Variants in SPEF2 observed in about 807,000 individuals in gnomAD.
SPEF2 encodes sperm flagella and cilia-associated protein 2.
SPEF2 carries 187 observed loss-of-function variants against 224.6 expected under a neutral mutation model. The ratio of observed to expected loss-of-function variants is 0.83; its 90% confidence interval spans 0.74 to 0.94. The LOEUF (loss-of-function observed/expected upper bound fraction) is 0.94, where lower values mean the gene tolerates loss of function less well. SPEF2 is among the 40% of genes least tolerant of loss of function. SPEF2 has a pLI of 0.00. For synonymous variants in SPEF2, 715 were observed against 707.3 expected, an observed-to-expected ratio of 1.01 and a Z score of -0.17; for missense variants, 2,170 against 2,135.6, an observed-to-expected ratio of 1.02 and a Z score of -0.32.
intron 28 of SPEF2, among the ~76,000 whole-genome samples, chr5:35,775,496 G>A (rs1447286627): frequency 2.6e-5 from 4 of 152,080 alleles, no homozygotes; most frequent in African/African-American, 4.8e-5. Context: ...GGGAAGGAGC[G>A]ACTTGGGAGA....
intron 20 of SPEF2, among the ~76,000 whole-genome samples, chr5:35,723,499 T>G (rs1177529568): frequency 6.6e-6 from 1 of 152,228 alleles, no homozygotes; most frequent in Non-Finnish European, 1.5e-5. Context: ...CAAGGCTGAC[T>G]GCTCTATTGT....
At chr5:35,710,120 C>T (rs961118555) in intron 19 of SPEF2, 28 of 985,274 alleles carry the variant, frequency 2.8e-5, no homozygotes, top group Non-Finnish European at 3.1e-5. Context: ...ATACACACAT[C>T]CTAAAAAATG....
At chr5:35,643,272 A>G (rs1746860452) in intron 3 of SPEF2, among the ~76,000 whole-genome samples, 1 of 152,192 alleles carries the variant, frequency 6.6e-6, no homozygotes, top group African/African-American at 2.4e-5. Flanking sequence ...CTTTTTGTCA[A>G]GCACTTGCAC....
At position 35,696,072 on chromosome 5, in the gene SPEF2, T is replaced by C. The variant is rs920823957; in HGVS notation, c.2037+276T>C. On this transcript the variant is annotated intron_variant, in intron 14 of 36. Coordinates refer to ENST00000356031, the MANE Select transcript of SPEF2 (RefSeq NM_024867.4). ...AGACAGAGACCAAATTCATTTCATC[T>C]TTACCATTTAATTTATGACTTTTAT... Among the ~76,000 whole-genome samples the C allele has an allele frequency of 2.6e-5, 4 of 152,330 alleles. No homozygotes were observed. The East Asian group carries it at 7.7e-4, about 29-fold the overall frequency.
chr5:35,641,338 C>G, intron 2 of SPEF2, 93 bp from the exon 3 acceptor site: 1 of 1,384,764 alleles, frequency 7.2e-7, no homozygotes, highest in Non-Finnish European at 9.8e-7. Context: ...TGAAATAATT[C>G]AAAATATTGG....
At chr5:35,812,015 C>T (rs1165649310) in intron 36 of SPEF2, among the ~76,000 whole-genome samples, 1 of 151,946 alleles carries the variant, frequency 6.6e-6, no homozygotes, top group Non-Finnish European at 1.5e-5. Context: ...GTCTCGATCC[C>T]CTGATCTCGT....
chr5:35,696,526 C>T (rs1755345717), intron 14 of SPEF2, among the ~76,000 whole-genome samples: 1 of 152,126 alleles, frequency 6.6e-6, no homozygotes, highest in Admixed American at 6.6e-5. Flanking sequence ...ATATTTACAT[C>T]TATTGATTTT....
chr5:35,719,151 C>G (rs1302719257), intron 20 of SPEF2, among the ~76,000 whole-genome samples: 2 of 152,160 alleles, frequency 1.3e-5, no homozygotes, highest in Non-Finnish European at 2.9e-5. Context: ...GAATATCGAT[C>G]CAGATTTTTA....
intron 23 of SPEF2, among the ~76,000 whole-genome samples, chr5:35,742,964 T>C (rs1362551026): frequency 6.6e-6 from 1 of 151,808 alleles, no homozygotes; most frequent in Non-Finnish European, 1.5e-5. Flanking sequence ...TAGTTCTTTA[T>C]TTTACTTTTA....
intron 1 of SPEF2, among the ~76,000 whole-genome samples, chr5:35,626,206 G>C (rs1038397763): frequency 6.6e-6 from 1 of 152,280 alleles, no homozygotes. Context: ...ATTTTCTCAA[G>C]AGTTGCTTCA....
chr5:35,791,234 A>T (rs1444902039), intron 30 of SPEF2, among the ~76,000 whole-genome samples: 2 of 152,204 alleles, frequency 1.3e-5, no homozygotes, highest in African/African-American at 4.8e-5. Flanking sequence ...ATGAAAAAGG[A>T]TACAGAATGT....
intron 6 of SPEF2, 57 bp downstream of exon 6, chr5:35,649,482 T>A: frequency 7.6e-7 from 1 of 1,320,144 alleles, no homozygotes. Flanking sequence ...ACACATAGCT[T>A]TTGAATATTT....
intron 10 of SPEF2, among the ~76,000 whole-genome samples, chr5:35,675,258 GC>G (rs1751786084): frequency 6.6e-6 from 1 of 152,088 alleles, no homozygotes; most frequent in Admixed American, 6.6e-5. Flanking sequence ...TAAGACATCA[GC>G]ACTTCCTAAA....
chr5:35,694,123 A>G (rs905870060), intron 12 of SPEF2, among the ~76,000 whole-genome samples, 165 bp from the exon 13 acceptor site: 11 of 152,246 alleles, frequency 7.2e-5, no homozygotes, highest in African/African-American at 2.7e-4. Flanking sequence ...GTTTCTGGAA[A>G]TAAGAATTTA....
In SPEF2 at chr5:35,783,708, G is replaced by A. The variant is rs11954524; in HGVS notation, c.4447+4362G>A. ...AATCATAAAGTAATGTGGTTTCCTAGGGAGTACAAGCATTCCAAACAAAAG... is the reference window on the plus strand; with the variant it reads ...AATCATAAAGTAATGTGGTTTCCTAAGGAGTACAAGCATTCCAAACAAAAG... On this transcript the variant is annotated intron_variant, in intron 30 of 36. Coordinates refer to ENST00000356031, the MANE Select transcript of SPEF2 (RefSeq NM_024867.4). Among the ~76,000 whole-genome samples the A allele has an allele frequency of 4.3e-3, 660 of 152,108 alleles. 1 individual carries two copies. The highest frequency in any genetic ancestry group is 7.0e-3 in the Non-Finnish European group (479 of 67,952).
At chr5:35,711,510 T>C (rs1012735472) in intron 19 of SPEF2, among the ~76,000 whole-genome samples, 1 of 152,144 alleles carries the variant, frequency 6.6e-6, no homozygotes, top group Non-Finnish European at 1.5e-5. Context: ...TAATTGAGAA[T>C]TAGTTCTTAG....
intron 30 of SPEF2, among the ~76,000 whole-genome samples, chr5:35,779,836 G>C (rs1754081755): frequency 6.6e-6 from 1 of 152,296 alleles, no homozygotes; most frequent in African/African-American, 2.4e-5. Flanking sequence ...TAATTAGTCG[G>C]TTTGTTCATA....
intron 24 of SPEF2, among the ~76,000 whole-genome samples, chr5:35,756,786 T>A (rs1338365450): frequency 2.0e-5 from 3 of 152,188 alleles, no homozygotes; most frequent in Non-Finnish European, 4.4e-5. Context: ...CCTTCTTCCC[T>A]CTCCCTGGGA....
intron 21 of SPEF2, among the ~76,000 whole-genome samples, chr5:35,731,782 G>A (rs1163558313): frequency 2.6e-5 from 4 of 152,154 alleles, no homozygotes; most frequent in Non-Finnish European, 5.9e-5. Context: ...CTAACAAAGG[G>A]AAAACTATTT....
Sources: gnomAD v4.1 joint callset for allele counts (sites outside exome capture counted in the v4.1 genomes callset) on GRCh38, gnomAD v4.1.1 for gene constraint, MANE v1.5 for transcripts, NCBI Gene and HGNC (gene_info 2026-07-23, HGNC 2026-07-21) for gene names.